ZFHX3: variants seen among roughly 807,000 people sequenced by gnomAD.
The protein encoded by ZFHX3 is zinc finger homeobox protein 3.
A neutral mutation model predicts 279.1 loss-of-function variants in ZFHX3; 42 were observed. The observed-to-expected ratio is 0.15, with a 90% confidence interval of 0.12 to 0.19. ZFHX3 has a LOEUF of 0.19. Ranked by LOEUF, ZFHX3 falls within the 10% of genes least tolerant of loss-of-function variation. The probability of loss-of-function intolerance (pLI) is 1.00; values close to 1 mark genes in which losing one functional copy is unlikely to be tolerated. For synonymous variants in ZFHX3, 2,293 were observed against 1,957.8 expected (o/e 1.17, Z -4.52); for missense variants, 4,981 against 4,754.0 (o/e 1.05, Z -1.40).
At chr16:73,336,124 T>G (rs1597289860) in intron 3 of ZFHX3, among the ~76,000 whole-genome samples, 2 of 152,290 alleles carry the variant, frequency 1.3e-5, no homozygotes, top group South Asian at 4.1e-4. Context: ...GGGCGGCAGG[T>G]GCAGGCAGTG....
At chr16:73,387,330 AC>A (rs1249724779) in intron 3 of ZFHX3, 2 of 151,784 alleles carry the variant, frequency 1.3e-5, no homozygotes, top group African/African-American at 4.9e-5. Context: ...CAACTTCATG[AC>A]AAGATAGATT....
At chr16:72,800,732 A>G (rs1225665898) in intron 7 of ZFHX3, among the ~76,000 whole-genome samples, 1 of 150,240 alleles carries the variant, frequency 6.7e-6, no homozygotes, top group Admixed American at 6.6e-5. Context: ...TCAAGCACAA[A>G]CAAGCCTTTT....
At chr16:73,803,038 A>T (rs866160502) in intron 1 of ZFHX3, among the ~76,000 whole-genome samples, 1 of 152,076 alleles carries the variant, frequency 6.6e-6, no homozygotes, top group Non-Finnish European at 1.5e-5. Flanking sequence ...TGACCTCAGG[A>T]GATTTGCCCG....
Position 73,846,218 on chromosome 16 carries a change from G to A in ZFHX3, c.-1608+45433C>T, listed in dbSNP as rs575020031. Among the ~76,000 whole-genome samples the A allele has an allele frequency of 8.5e-5, 13 of 152,090 alleles. No homozygotes were observed. In the East Asian group the frequency reaches 2.5e-3, roughly 29 times the overall value. On this transcript the variant is annotated intron_variant, in intron 1 of 17. Transcript: ENST00000641206. ...TATACACCAAAGAGTGAATTTGACTGTATGCAAGTGATGTTTCCATTTAAG... is the reference window on the plus strand; with the variant it reads ...TATACACCAAAGAGTGAATTTGACTATATGCAAGTGATGTTTCCATTTAAG...
intron 2 of ZFHX3, among the ~76,000 whole-genome samples, chr16:73,562,244 G>A (rs2020380179): frequency 6.6e-6 from 1 of 152,158 alleles, no homozygotes; most frequent in African/African-American, 2.4e-5. Flanking sequence ...CTAGACTGAA[G>A]GTTGTGCCCT....
chr16:73,322,492 G>C (rs564904408), intron 3 of ZFHX3, among the ~76,000 whole-genome samples: 3 of 152,288 alleles, frequency 2.0e-5, no homozygotes, highest in African/African-American at 7.2e-5. Flanking sequence ...TTTAGCTTCG[G>C]GTGTTGCAGT....
At chr16:73,165,373 G>T (rs1967337501) in intron 5 of ZFHX3, among the ~76,000 whole-genome samples, 1 of 152,152 alleles carries the variant, frequency 6.6e-6, no homozygotes, top group Admixed American at 6.5e-5. Context: ...AAGCCTCTGG[G>T]TTCTTAACAT....
At chr16:73,164,049 C>A (rs537385847) in intron 5 of ZFHX3, among the ~76,000 whole-genome samples, 11 of 152,254 alleles carry the variant, frequency 7.2e-5, no homozygotes, top group African/African-American at 2.6e-4. Flanking sequence ...CTGAGCCGAT[C>A]CTGCAACTGC....
At chr16:73,177,679 G>A (rs902431621) in intron 5 of ZFHX3, among the ~76,000 whole-genome samples, 4 of 152,204 alleles carry the variant, frequency 2.6e-5, no homozygotes, top group African/African-American at 7.2e-5. Context: ...TTTGGGTAGT[G>A]GACTTGAATA....
At chr16:73,449,713 G>A (rs756373495) in intron 3 of ZFHX3, among the ~76,000 whole-genome samples, 2 of 152,120 alleles carry the variant, frequency 1.3e-5, no homozygotes, top group Non-Finnish European at 2.9e-5. Context: ...AGTAAAAGGA[G>A]GTAAGGGAAG....
chr16:73,743,658 C>CAT (rs2053678501), intron 1 of ZFHX3, among the ~76,000 whole-genome samples: 1 of 151,700 alleles, frequency 6.6e-6, no homozygotes, highest in African/African-American at 2.4e-5. Context: ...GTAACTCCTA[C>CAT]ATATATATAT....
chr16:73,718,219 T>G (rs1296979936), intron 1 of ZFHX3, among the ~76,000 whole-genome samples: 3 of 152,160 alleles, frequency 2.0e-5, no homozygotes, highest in Non-Finnish European at 4.4e-5. Context: ...GCGACAAGCC[T>G]GGCCAACATG....
intron 3 of ZFHX3, among the ~76,000 whole-genome samples, chr16:73,394,348 G>A (rs1357232311): frequency 6.6e-6 from 1 of 151,690 alleles, no homozygotes; most frequent in Non-Finnish European, 1.5e-5. Context: ...CCAGGCTGGA[G>A]TGCAGTGGTG....
chr16:73,261,396 G>A (rs556886560), intron 4 of ZFHX3, among the ~76,000 whole-genome samples: 84 of 152,280 alleles, frequency 5.5e-4, no homozygotes, highest in Non-Finnish European at 8.8e-4. Context: ...TGGGGAAGAG[G>A]ATTGGGTAGC....
intron 3 of ZFHX3, among the ~76,000 whole-genome samples, chr16:73,399,305 C>T (rs577638756): frequency 4.6e-5 from 7 of 152,174 alleles, no homozygotes; most frequent in South Asian, 2.1e-4. Flanking sequence ...TAGTCACAAA[C>T]GATATGGGAA....
intron 1 of ZFHX3, among the ~76,000 whole-genome samples, chr16:73,881,101 GTTTC>G (rs1237774052): frequency 2.6e-5 from 4 of 152,096 alleles, no homozygotes; most frequent in Non-Finnish European, 5.9e-5. Context: ...TTTGTGGAGT[GTTTC>G]TTTCTTTAAA....
At chr16:73,003,005 C>A (rs1271152144) in intron 1 of ZFHX3, among the ~76,000 whole-genome samples, 4 of 152,142 alleles carry the variant, frequency 2.6e-5, no homozygotes, top group Non-Finnish European at 5.9e-5. Flanking sequence ...AAAAATTAAA[C>A]TGAAGTCCTA....
chr16:73,841,906 A>C (rs1961318193), intron 1 of ZFHX3, among the ~76,000 whole-genome samples: 1 of 152,068 alleles, frequency 6.6e-6, no homozygotes, highest in Non-Finnish European at 1.5e-5. Context: ...ATGACTTTTC[A>C]TACTTTATAT....
At chr16:73,184,596 G>A (rs1967872246) in intron 5 of ZFHX3, among the ~76,000 whole-genome samples, 2 of 152,240 alleles carry the variant, frequency 1.3e-5, no homozygotes, top group South Asian at 4.2e-4. Flanking sequence ...GACTCTTCCT[G>A]GGAAAAACCT....
Sources: gnomAD v4.1 joint callset for allele counts (sites outside exome capture counted in the v4.1 genomes callset) on GRCh38, gnomAD v4.1.1 for gene constraint, MANE v1.5 for transcripts, NCBI Gene and HGNC (gene_info 2026-07-23, HGNC 2026-07-21) for gene names.